The following SLC37A3 variants were observed in gnomAD, a reference collection of about 807,000 sequenced individuals.
SLC37A3 encodes sugar phosphate exchanger 3.
In SLC37A3, 51 loss-of-function variants were observed where a neutral mutation model predicts 67.1. That is an observed-to-expected ratio of 0.76 (90% confidence interval 0.61 to 0.96). The LOEUF is 0.96. Ranked by LOEUF, SLC37A3 falls within the 40% of genes least tolerant of loss-of-function variation. SLC37A3 has a pLI of 0.00. For missense variants in SLC37A3, 508 were observed against 603.0 expected (o/e 0.84, Z 1.65); for synonymous variants, 214 against 231.4 (o/e 0.92, Z 0.68).
At position 140,334,554 on chromosome 7, in the gene SLC37A3, T is replaced by G. The variant is rs1562999261; in HGVS notation, c.*858A>C. ...AGCAGATTAGCTTCCTAGAGGATCC[T>G]AAGTTCCCAGACAACAAATCTGGGA... On this transcript the variant is annotated 3_prime_UTR_variant, in exon 15 of 15. Transcript: ENST00000326232. 6.6e-6 allele frequency: 1 copy of G among 152,332 alleles called. No individual in the cohort carries two copies. The highest frequency in any genetic ancestry group is 1.5e-5 in the Non-Finnish European group (1 of 67,986). 9.4% of individuals were successfully genotyped at this position (152,332 alleles called of 1,614,324 possible). A position where few individuals can be genotyped will look rare whatever the true frequency, so the allele number is the denominator to read the frequency against.
At chr7:140,363,761 AAAAAG>A (rs1406993674) in intron 5 of SLC37A3, among the ~76,000 whole-genome samples, 57 of 137,086 alleles carry the variant, frequency 4.2e-4, no homozygotes, top group East Asian at 1.3e-3. Context: ...AAAAAAAAAA[AAAAAG>A]AAAGGAGCGG....
In SLC37A3 at chr7:140,343,279, G is replaced by A. The variant is rs879133666; in HGVS notation, c.1326+133C>T. On this transcript the variant is annotated intron_variant, in intron 13 of 14. Coordinates refer to ENST00000326232, the MANE Select transcript of SLC37A3 (RefSeq NM_207113.3). Reference sequence around the variant, plus strand: ...GCATCAGCTGGTCCTGAGGGGAGACGGAAGTCCTTGGGCTCTGGGAACAGC... The same window carrying A: ...GCATCAGCTGGTCCTGAGGGGAGACAGAAGTCCTTGGGCTCTGGGAACAGC... 2.6e-5 allele frequency: 32 copies of A among 1,235,484 alleles called. 1 individual carries two copies. The highest frequency in any genetic ancestry group is 5.5e-4 in the Middle Eastern group (2 of 3,640). 76.5% of individuals were successfully genotyped at this position (1,235,484 alleles called of 1,614,324 possible). A position where few individuals can be genotyped will look rare whatever the true frequency, so the allele number is the denominator to read the frequency against.
intron 3 of SLC37A3, chr7:140,380,079 T>C: frequency 2.9e-6 from 1 of 344,374 alleles, no homozygotes; most frequent in Non-Finnish European, 5.3e-6. Context: ...TCTCAACAGT[T>C]AGAAACAAGC....
chr7:140,383,507 T>C (rs1205421180), intron 1 of SLC37A3, among the ~76,000 whole-genome samples: 1 of 152,088 alleles, frequency 6.6e-6, no homozygotes, highest in African/African-American at 2.4e-5. Context: ...AATACAATGT[T>C]CTAAATGATC....
chr7:140,354,681 T>C (rs1244286082), intron 7 of SLC37A3, among the ~76,000 whole-genome samples: 2 of 152,044 alleles, frequency 1.3e-5, no homozygotes, highest in East Asian at 1.9e-4. Flanking sequence ...TTGGTCTTTT[T>C]CTTATCAATT....
At chr7:140,381,594 A>C (rs929745589) in intron 2 of SLC37A3, among the ~76,000 whole-genome samples, 1 of 152,148 alleles carries the variant, frequency 6.6e-6, no homozygotes, top group Admixed American at 6.6e-5. Context: ...TCTACTCAGC[A>C]GAAATGTCAA....
chr7:140,355,905 C>T, intron 6 of SLC37A3, 141 bp from the exon 7 acceptor site: 3 of 668,892 alleles, frequency 4.5e-6, no homozygotes, highest in Non-Finnish European at 7.6e-6. Context: ...TAAAAATACA[C>T]TAAAATGGGC....
At chr7:140,379,154 C>T (rs1798149084) in intron 3 of SLC37A3, 1 of 152,098 alleles carries the variant, frequency 6.6e-6, no homozygotes, top group Admixed American at 6.6e-5. Flanking sequence ...CGGCAAGACC[C>T]TGTCTCTACA....
At chr7:140,387,998 A>G (rs1161160974) in intron 1 of SLC37A3, among the ~76,000 whole-genome samples, 2 of 143,290 alleles carry the variant, frequency 1.4e-5, no homozygotes, top group Non-Finnish European at 3.0e-5. Context: ...TGTCTCAAAA[A>G]AGCAAAACCT....
chr7:140,336,335 A>C (rs985406051), intron 14 of SLC37A3, among the ~76,000 whole-genome samples: 3 of 152,196 alleles, frequency 2.0e-5, no homozygotes, highest in Admixed American at 6.5e-5. Flanking sequence ...CCCTGAGCCC[A>C]AGATCACCTG....
chr7:140,373,587 G>GA (rs1419145107), intron 3 of SLC37A3, among the ~76,000 whole-genome samples: 3 of 151,840 alleles, frequency 2.0e-5, no homozygotes, highest in African/African-American at 4.8e-5. Flanking sequence ...ACAATTAACT[G>GA]AAAAGGCTAC....
intron 3 of SLC37A3, among the ~76,000 whole-genome samples, chr7:140,376,604 G>A (rs1798040282): frequency 6.6e-6 from 1 of 152,310 alleles, no homozygotes; most frequent in African/African-American, 2.4e-5. Flanking sequence ...AACAGAATAA[G>A]GGCTATCCAG....
intron 11 of SLC37A3, 90 bp downstream of exon 11, chr7:140,345,779 C>T: frequency 9.7e-7 from 1 of 1,026,648 alleles, no homozygotes; most frequent in Admixed American, 1.7e-5. Context: ...TCCAGGCTCT[C>T]CCCAGCACTG....
Position 140,345,913 on chromosome 7 carries a change from G to T in SLC37A3, c.1082C>A (p.Ala361Asp), listed in dbSNP as rs1796537438. The change falls in exon 11 of 15, where the codon GCC becomes GAC. Residue 361 changes from alanine (A) to aspartate (D), a missense_variant. Physicochemically the swap from Ala to Asp is moderately radical, Grantham distance 126. Transcript: ENST00000326232. ...CCCAACTGCCAGAAGCAGACTCAGG[G>T]CAAGAACCGGCGCTCTCTTCTGTAG... The part of the protein sequence containing the change: ...DVLQKRAPVL[A>D]LSLLLAVGSL... 1 of 1,614,024 alleles carries T rather than the reference G, an allele frequency of 6.2e-7. No individual in the cohort carries two copies. The highest frequency in any genetic ancestry group is 1.3e-5 in the African/African-American group (1 of 75,034).
intron 1 of SLC37A3, among the ~76,000 whole-genome samples, chr7:140,387,735 A>AAATATATT (rs1447784609): frequency 2.2e-3 from 9 of 4,112 alleles, no homozygotes; most frequent in South Asian, 0.012. Flanking sequence ...ATATAAATAT[A>AAATATATT]CTATATATTA....
At chr7:140,356,631 C>G (rs926359398) in intron 6 of SLC37A3, among the ~76,000 whole-genome samples, 1 of 152,024 alleles carries the variant, frequency 6.6e-6, no homozygotes, top group Non-Finnish European at 1.5e-5. Flanking sequence ...TGCAGTGAGC[C>G]GAGATCGCAC....
intron 2 of SLC37A3, among the ~76,000 whole-genome samples, chr7:140,382,229 A>C (rs756854067): frequency 2.6e-5 from 4 of 151,942 alleles, no homozygotes; most frequent in Non-Finnish European, 5.9e-5. Context: ...CCTCATGACC[A>C]CCAAAACTAT....
At chr7:140,369,324 TC>T (rs1174083657) in intron 4 of SLC37A3, among the ~76,000 whole-genome samples, 1 of 152,206 alleles carries the variant, frequency 6.6e-6, no homozygotes, top group Non-Finnish European at 1.5e-5. Context: ...ACTGTCTGTC[TC>T]CCCTAACTCC....
chr7:140,340,967 GCT>G (rs1285733413), intron 13 of SLC37A3, among the ~76,000 whole-genome samples: 9 of 150,776 alleles, frequency 6.0e-5, no homozygotes, highest in Non-Finnish European at 1.2e-4. Flanking sequence ...CCAGGGTCTG[GCT>G]CTGTCACCCA....
Sources: gnomAD v4.1 joint callset for allele counts (sites outside exome capture counted in the v4.1 genomes callset) on GRCh38, gnomAD v4.1.1 for gene constraint, MANE v1.5 for transcripts, NCBI Gene and HGNC (gene_info 2026-07-23, HGNC 2026-07-21) for gene names.